Variants in TMPO observed in about 807,000 individuals in gnomAD.
TMPO encodes the protein thymopoietin, also known as LEM domain containing 4.
A neutral mutation model predicts 45.4 loss-of-function variants in TMPO; 22 were observed. That is an observed-to-expected ratio of 0.48 (90% CI 0.35 to 0.69). The LOEUF is 0.69. Among genes scored for constraint, TMPO ranks in the 30% least tolerant of loss-of-function variants. The pLI, the probability that TMPO is intolerant of heterozygous loss-of-function variation, is 0.01. For synonymous variants in TMPO, 241 were observed against 204.1 expected, an observed-to-expected ratio of 1.18 and a Z score of -1.54; for missense variants, 512 against 548.8, an observed-to-expected ratio of 0.93 and a Z score of 0.67.
At chr12:98,541,570 A>G (rs576381083) in intron 4 of TMPO, among the ~76,000 whole-genome samples, 1 of 152,326 alleles carries the variant, frequency 6.6e-6, no homozygotes, top group African/African-American at 2.4e-5. Context: ...GACATATCCC[A>G]CTAGAATGTA....
chr12:98,538,413 G>A (rs931819072), intron 4 of TMPO, among the ~76,000 whole-genome samples: 1 of 152,088 alleles, frequency 6.6e-6, no homozygotes, highest in African/African-American at 2.4e-5. Context: ...GTGCAGTGGC[G>A]TGATCCCATC....
chr12:98,530,579 G>T (rs17028428), intron 2 of TMPO, among the ~76,000 whole-genome samples: 3,909 of 152,250 alleles, frequency 0.026, 349 homozygotes, highest in East Asian at 0.22. Flanking sequence ...TGTCACTGAT[G>T]TTCAAATGTA....
Position 98,546,376 on chromosome 12 carries a change from GGAAA to G in TMPO, c.1012_1015del (p.Arg338GlufsTer2). On this transcript the variant is annotated frameshift_variant, in exon 8 of 9. Transcript: ENST00000556029. LOFTEE classifies it high-confidence loss of function. ...CTTATTAGGTGGGAGAAAAAACAGA[GGAAA>G]GAAGAGTAGAAAGGGATATTCTTAA... 6.2e-7 allele frequency: 1 copy of G among 1,612,352 alleles called. No individual in the cohort carries two copies. Among genetic ancestry groups the G allele is most frequent in the Non-Finnish European group, 8.5e-7 (1 of 1,178,592 alleles).
chr12:98,527,679 G>T, intron 1 of TMPO: 1 of 561,168 alleles, frequency 1.8e-6, no homozygotes. Context: ...TAAGTTACTT[G>T]CTTGGCTGTG....
intron 3 of TMPO, chr12:98,532,078 T>A (rs1877231819): frequency 2.2e-6 from 1 of 450,588 alleles, no homozygotes; most frequent in Non-Finnish European, 4.0e-6. Context: ...TCTTTTTTGC[T>A]ACAAATCTCA....
At chr12:98,543,564 GT>G (rs1273256077) in intron 4 of TMPO, among the ~76,000 whole-genome samples, 1 of 152,174 alleles carries the variant, frequency 6.6e-6, no homozygotes, top group Non-Finnish European at 1.5e-5. Context: ...TGAGGCAGCT[GT>G]TTTCTGTCTT....
intron 4 of TMPO, among the ~76,000 whole-genome samples, chr12:98,540,056 T>G (rs4762494): frequency 0.22 from 32,981 of 152,208 alleles, 4,619 homozygotes; most frequent in Non-Finnish European, 0.31. Context: ...GATTTTTGGT[T>G]GTTTTACTCT....
rs770791830 is a variant in TMPO, at chr12:98,532,966, G to A, written c.565+1128G>A. 21 of 1,614,088 alleles carry A rather than the reference G, an allele frequency of 1.3e-5. No homozygotes were observed. The highest frequency in any genetic ancestry group is 4.5e-5 in the East Asian group (2 of 44,878). ...CACCCGTCCTCCTTTGGGCAGTACC[G>A]AACTACAGGCAGCTAAGAAAGTACA... On this transcript the variant is annotated intron_variant, in intron 3 of 8. Coordinates refer to ENST00000556029, the MANE Select transcript of TMPO (RefSeq NM_001032283.3).
At chr12:98,524,922 C>A in intron 1 of TMPO, among the ~76,000 whole-genome samples, 1 of 152,142 alleles carries the variant, frequency 6.6e-6, no homozygotes, top group Non-Finnish European at 1.5e-5. Flanking sequence ...ACCTCTCAGG[C>A]GGGTTTGAAA....
intron 3 of TMPO, among the ~76,000 whole-genome samples, chr12:98,537,153 C>A (rs1164303018): frequency 3.3e-5 from 5 of 152,058 alleles, no homozygotes; most frequent in Non-Finnish European, 7.4e-5. Flanking sequence ...CTAAATTGTT[C>A]TTACTGAAAA....
At chr12:98,544,640 T>TG (rs368275349) in intron 6 of TMPO, 103 bp downstream of exon 6, 8 of 939,764 alleles carry the variant, frequency 8.5e-6, no homozygotes, top group African/African-American at 3.7e-5. Flanking sequence ...ATTTACATGT[T>TG]TTTTTTTTTT....
At chr12:98,524,393 G>A (rs1199244303) in intron 1 of TMPO, among the ~76,000 whole-genome samples, 1 of 152,096 alleles carries the variant, frequency 6.6e-6, no homozygotes, top group African/African-American at 2.4e-5. Flanking sequence ...CCAAAATGGT[G>A]AAACCCTGTC....
In TMPO at chr12:98,527,914, G is replaced by A. The variant is rs1361401032; in HGVS notation, c.308G>A (p.Arg103Lys). The change falls in exon 2 of 9, where the codon AGA becomes AAA. Residue 103 changes from arginine (R) to lysine (K), a missense_variant. Physicochemically the swap from Arg to Lys is conservative, Grantham distance 26. This residue lies in a region of TMPO where 299 missense variants were observed against 296.7 expected (regional missense o/e 1.01). Transcript: ENST00000556029. ...GCCACAAAAAAAACTGATAAACCCA[G>A]ACAAGAAGATAAAGATGATCTAGAT... ...RKATKKTDKP[R>K]QEDKDDLDVT... is the part of the protein sequence containing the mutation. The A allele has an allele frequency of 1.2e-6, 2 of 1,613,824 alleles. No individual in the cohort carries two copies. Among genetic ancestry groups the A allele is most frequent in the Non-Finnish European group, 1.7e-6 (2 of 1,179,894 alleles).
chr12:98,546,290 A>T, intron 7 of TMPO, 69 bp from the exon 8 acceptor site: 1 of 1,019,472 alleles, frequency 9.8e-7, no homozygotes, highest in Non-Finnish European at 1.6e-6. Flanking sequence ...CTTACTATTT[A>T]TGTTTTAATT....
intron 3 of TMPO, chr12:98,532,972 C>T (rs1428425902): frequency 6.2e-7 from 1 of 1,614,052 alleles, no homozygotes; most frequent in Non-Finnish European, 8.5e-7. Context: ...TACCGAACTA[C>T]AGGCAGCTAA....
chr12:98,548,634 A>G lies in TMPO; in HGVS notation c.*776A>G, dbSNP rs1878360272. ...AAATTTGTATTTTTTATTTACAGCA[A>G]AACATTTATTCAGTCATCCAGTTTG... On this transcript the variant is annotated 3_prime_UTR_variant, in exon 9 of 9. Coordinates refer to ENST00000556029, the MANE Select transcript of TMPO (RefSeq NM_001032283.3). 6.6e-6 allele frequency: 1 copy of G among 152,254 alleles called. No homozygotes were observed. The highest frequency in any genetic ancestry group is 2.4e-5 in the African/African-American group (1 of 41,468). 9.4% of individuals were successfully genotyped at this position (152,254 alleles called of 1,614,324 possible). A position where few individuals can be genotyped will look rare whatever the true frequency, so the allele number is the denominator to read the frequency against.
rs1876972773 is a variant in TMPO, at chr12:98,528,788, ATC to A, written c.406+780_406+781del. On this transcript the variant is annotated intron_variant, in intron 2 of 8. Coordinates refer to ENST00000556029, the MANE Select transcript of TMPO (RefSeq NM_001032283.3). ...AGCATGAGCAACATAGGGAGATCCC[ATC>A]TCTGCAGAAAATTTTAAAATTAGCA... Among the ~76,000 whole-genome samples the A allele has an allele frequency of 3.3e-5, 5 of 152,072 alleles. No individual in the cohort carries two copies. In the South Asian group the frequency reaches 1.0e-3, roughly 32 times the overall value.
At position 98,548,875 on chromosome 12, in the gene TMPO, C is replaced by T. The variant is rs1878372529; in HGVS notation, c.*1017C>T. The T allele has an allele frequency of 6.6e-6, 1 of 152,242 alleles. No individual in the cohort carries two copies. Among genetic ancestry groups the T allele is most frequent in the Non-Finnish European group, 1.5e-5 (1 of 68,086 alleles). 9.4% of individuals were successfully genotyped at this position (152,242 alleles called of 1,614,324 possible). Reference sequence around the variant, plus strand: ...GTGGCTTACGCCTGTAATCCCAGCACTTTGGGAGGCCAGGGCGGGTGGATC... The same window carrying T: ...GTGGCTTACGCCTGTAATCCCAGCATTTTGGGAGGCCAGGGCGGGTGGATC... On this transcript the variant is annotated 3_prime_UTR_variant, in exon 9 of 9. Coordinates refer to ENST00000556029, the MANE Select transcript of TMPO (RefSeq NM_001032283.3).
At chr12:98,541,722 T>TG (rs1197635126) in intron 4 of TMPO, among the ~76,000 whole-genome samples, 2 of 152,222 alleles carry the variant, frequency 1.3e-5, no homozygotes, top group African/African-American at 4.8e-5. Flanking sequence ...GAGAGTATAA[T>TG]GTAGTTTTAT....
Sources: gnomAD v4.1 joint callset for allele counts (sites outside exome capture counted in the v4.1 genomes callset) on GRCh38, gnomAD v4.1.1 for gene constraint, gnomAD v4.1.1 regional missense constraint, MANE v1.5 for transcripts, NCBI Gene and HGNC (gene_info 2026-07-23, HGNC 2026-07-21) for gene names.